SLC16A10: variants seen among roughly 807,000 people sequenced by gnomAD.
The protein encoded by SLC16A10 is monocarboxylate transporter 10.
In SLC16A10, 27 loss-of-function variants were observed where a neutral mutation model predicts 40.0. The observed-to-expected ratio is 0.67, with a 90% CI of 0.50 to 0.93. The LOEUF (loss-of-function observed/expected upper bound fraction) is 0.93. Among genes scored for constraint, SLC16A10 ranks in the 40% least tolerant of loss-of-function variants. SLC16A10 has a pLI of 0.00. For missense variants in SLC16A10, 529 were observed against 658.2 expected, an observed-to-expected ratio of 0.80 and a Z score of 2.15; for synonymous variants, 213 against 249.8, an observed-to-expected ratio of 0.85 and a Z score of 1.39.
chr6:111,218,336 T>G (rs1278314798), intron 4 of SLC16A10, among the ~76,000 whole-genome samples: 2 of 152,276 alleles, frequency 1.3e-5, no homozygotes, highest in East Asian at 3.9e-4. Flanking sequence ...TCCCAGCACT[T>G]TGGGAGGCCG....
chr6:111,159,134 C>G (rs1430981941), intron 1 of SLC16A10, among the ~76,000 whole-genome samples: 1 of 143,186 alleles, frequency 7.0e-6, no homozygotes, highest in Admixed American at 7.0e-5. Flanking sequence ...GTCCCGTGTA[C>G]ACTTCTCCAT....
chr6:111,193,446 C>A, intron 3 of SLC16A10: 1 of 418,138 alleles, frequency 2.4e-6, no homozygotes, highest in Non-Finnish European at 3.2e-6. Flanking sequence ...TTCATGGGGA[C>A]ATTTAATATT....
At chr6:111,220,622 C>T (rs1253717896) in intron 5 of SLC16A10, among the ~76,000 whole-genome samples, 2 of 152,178 alleles carry the variant, frequency 1.3e-5, no homozygotes, top group South Asian at 2.1e-4. Context: ...GTCATGGTCT[C>T]CTTATAGGAG....
At chr6:111,152,952 T>C (rs1772198872) in intron 1 of SLC16A10, among the ~76,000 whole-genome samples, 2 of 152,152 alleles carry the variant, frequency 1.3e-5, no homozygotes, top group Non-Finnish European at 2.9e-5. Context: ...ATACAAGGTG[T>C]GTGTGTGCAC....
chr6:111,220,989 T>G (rs1446579990), intron 5 of SLC16A10, among the ~76,000 whole-genome samples: 1 of 152,262 alleles, frequency 6.6e-6, no homozygotes, highest in Non-Finnish European at 1.5e-5. Context: ...CTTGTGCATT[T>G]ACAGATATTG....
chr6:111,199,975 A>G (rs1583358661), intron 3 of SLC16A10, among the ~76,000 whole-genome samples: 2 of 152,134 alleles, frequency 1.3e-5, no homozygotes, highest in African/African-American at 4.8e-5. Flanking sequence ...AATAATCTGC[A>G]TTCCAGAAAC....
intron 1 of SLC16A10, among the ~76,000 whole-genome samples, chr6:111,170,650 T>C (rs1352533143): frequency 6.6e-6 from 1 of 152,028 alleles, no homozygotes; most frequent in Non-Finnish European, 1.5e-5. Flanking sequence ...AGTTTCACCA[T>C]GTTGGCCAGG....
chr6:111,207,151 G>T (rs1454577033), intron 4 of SLC16A10, among the ~76,000 whole-genome samples: 1 of 152,164 alleles, frequency 6.6e-6, no homozygotes, highest in Admixed American at 6.5e-5. Context: ...ACTTCTATAG[G>T]CAGTTTTTCA....
At chr6:111,112,257 A>G (rs1771402846) in intron 1 of SLC16A10, among the ~76,000 whole-genome samples, 1 of 151,852 alleles carries the variant, frequency 6.6e-6, no homozygotes, top group Admixed American at 6.6e-5. Flanking sequence ...CTGGCCTCAA[A>G]CCTCTAGGCT....
At chr6:111,103,617 A>G (rs1771229614) in intron 1 of SLC16A10, among the ~76,000 whole-genome samples, 1 of 152,220 alleles carries the variant, frequency 6.6e-6, no homozygotes. Flanking sequence ...GGGAAACAAA[A>G]TGATACATAA....
chr6:111,175,480 G>A (rs1323362590), intron 2 of SLC16A10, among the ~76,000 whole-genome samples: 1 of 152,098 alleles, frequency 6.6e-6, no homozygotes, highest in Non-Finnish European at 1.5e-5. Context: ...TTTGAAGAAG[G>A]CAGAGAGAAA....
At position 111,223,027 on chromosome 6, in the gene SLC16A10, C is replaced by T. The variant is rs968294094; in HGVS notation, c.*792C>T. ...ATAGAATGCATGAAAGATATTCTGG[C>T]GATTGTAACTTAGAATTTTTCTGAC... On this transcript the variant is annotated 3_prime_UTR_variant, in exon 6 of 6. Coordinates refer to ENST00000368851, the MANE Select transcript of SLC16A10 (RefSeq NM_018593.5). 6.6e-6 allele frequency: 1 copy of T among 152,068 alleles called. No individual in the cohort carries two copies. The highest frequency in any genetic ancestry group is 6.6e-5 in the Admixed American group (1 of 15,262). 9.4% of individuals were successfully genotyped at this position (152,068 alleles called of 1,614,324 possible).
At chr6:111,133,183 G>C (rs1367125884) in intron 1 of SLC16A10, among the ~76,000 whole-genome samples, 1 of 152,144 alleles carries the variant, frequency 6.6e-6, no homozygotes, top group African/African-American at 2.4e-5. Context: ...TTTCTTTGTG[G>C]TCAAGAAAGG....
At chr6:111,100,618 A>G (rs908368053) in intron 1 of SLC16A10, among the ~76,000 whole-genome samples, 1 of 151,908 alleles carries the variant, frequency 6.6e-6, no homozygotes, top group African/African-American at 2.4e-5. Context: ...CGATATCTTG[A>G]CTTCGTGATC....
intron 1 of SLC16A10, among the ~76,000 whole-genome samples, chr6:111,171,233 C>A (rs56272203): frequency 0.1 from 15,468 of 152,296 alleles, 1,041 homozygotes; most frequent in Middle Eastern, 0.17. Context: ...CCAATCAGCT[C>A]CTTCCTACTG....
At chr6:111,131,163 TCGCAGACCCGC>T (rs1160739074) in intron 1 of SLC16A10, among the ~76,000 whole-genome samples, 5 of 152,206 alleles carry the variant, frequency 3.3e-5, no homozygotes, top group African/African-American at 1.2e-4. Context: ...TTTGCTGCCA[TCGCAGACCCGC>T]CGCTGACTTC....
intron 1 of SLC16A10, among the ~76,000 whole-genome samples, chr6:111,152,352 T>C (rs1772187108): frequency 6.6e-6 from 1 of 152,258 alleles, no homozygotes; most frequent in Non-Finnish European, 1.5e-5. Context: ...TGCTGTTTTC[T>C]CAGCATCTAG....
intron 1 of SLC16A10, among the ~76,000 whole-genome samples, chr6:111,138,049 A>G (rs970236715): frequency 6.6e-6 from 1 of 152,178 alleles, no homozygotes; most frequent in Non-Finnish European, 1.5e-5. Flanking sequence ...CTCTGTTTTC[A>G]CTCTATTAAA....
chr6:111,215,538 G>A (rs1453526124), intron 4 of SLC16A10, among the ~76,000 whole-genome samples: 2 of 152,150 alleles, frequency 1.3e-5, no homozygotes, highest in East Asian at 3.9e-4. Flanking sequence ...GGTTGGGAAT[G>A]TTTGGTCTAT....
Sources: allele counts gnomAD v4.1 joint callset (sites outside exome capture counted in the v4.1 genomes callset), GRCh38; gene constraint gnomAD v4.1.1; transcripts MANE v1.5; gene names NCBI Gene and HGNC (gene_info 2026-07-23, HGNC 2026-07-21).